Variants in ATP2C2 observed in about 807,000 individuals in gnomAD.
The protein encoded by ATP2C2 is calcium-transporting ATPase type 2C member 2.
Under a neutral mutation model 110.8 loss-of-function variants are expected in ATP2C2, and 171 were observed. That is an observed-to-expected ratio of 1.54 (90% CI 1.36 to 1.75). ATP2C2 has a LOEUF of 1.75. ATP2C2 is among the 40% of genes most tolerant of loss of function. The pLI is 0.00. For missense variants in ATP2C2, 1,963 were observed against 1,235.0 expected (o/e 1.59, Z -8.84); for synonymous variants, 804 against 508.4 (o/e 1.58, Z -7.82).
chr16:84,447,262 G>A (rs1909837079), intron 16 of ATP2C2, among the ~76,000 whole-genome samples: 1 of 152,070 alleles, frequency 6.6e-6, no homozygotes, highest in Admixed American at 6.5e-5. Context: ...GTGCATGGAT[G>A]GACACATGTA....
rs138082665 is a variant in ATP2C2, at chr16:84,425,231, C to T, written c.920-504C>T. On this transcript the variant is annotated intron_variant, in intron 10 of 26. Transcript: ENST00000262429. Reference sequence around the variant, plus strand: ...CCTTCCCAGTCCCTACTCACACCTCCGTGTCTCGTACACCTAGTGCAGTAA... The same window carrying T: ...CCTTCCCAGTCCCTACTCACACCTCTGTGTCTCGTACACCTAGTGCAGTAA... 1.4e-4 allele frequency among the ~76,000 whole-genome samples: 22 copies of T among 152,248 alleles called. No individual in the cohort carries two copies. In the East Asian group the frequency reaches 4.2e-3, roughly 29 times the overall value.
Position 84,455,142 on chromosome 16 carries a change from C to T in ATP2C2, c.2147+158C>T, listed in dbSNP as rs2288575. On this transcript the variant is annotated intron_variant, in intron 21 of 26. Transcript: ENST00000262429. Reference sequence around the variant, plus strand: ...CGTCAGTGTGGCAGGTGCCCCCAACCCCAAGTACCAACAGCCTCTCATAGC... The same window carrying T: ...CGTCAGTGTGGCAGGTGCCCCCAACTCCAAGTACCAACAGCCTCTCATAGC... Among the ~76,000 whole-genome samples, 38 of 152,078 alleles carry T rather than the reference C, an allele frequency of 2.5e-4. No individual in the cohort carries two copies. In the East Asian group the frequency reaches 7.4e-3, roughly 30 times the overall value.
chr16:84,374,001 A>G (rs186395938), intron 1 of ATP2C2, among the ~76,000 whole-genome samples: 12 of 152,356 alleles, frequency 7.9e-5, no homozygotes, highest in Non-Finnish European at 1.5e-4. Flanking sequence ...TACGAATGCC[A>G]ATTTTAAGGC....
intron 11 of ATP2C2, among the ~76,000 whole-genome samples, chr16:84,435,950 G>A (rs1908699468): frequency 6.6e-6 from 1 of 152,214 alleles, no homozygotes; most frequent in South Asian, 2.1e-4. Flanking sequence ...CCAACATGGT[G>A]AAACCTCATC....
chr16:84,455,125 T>G, intron 21 of ATP2C2, 141 bp downstream of exon 21: 1 of 1,129,870 alleles, frequency 8.9e-7, no homozygotes, highest in Non-Finnish European at 1.2e-6. Context: ...CTCGTCAGTG[T>G]GGCAGGTGCC....
At chr16:84,369,490 A>G (rs1370747476) in intron 1 of ATP2C2, among the ~76,000 whole-genome samples, 4 of 150,978 alleles carry the variant, frequency 2.6e-5, no homozygotes, top group Non-Finnish European at 5.9e-5. Flanking sequence ...TCTGCACGCC[A>G]GAGGGTCGTT....
In ATP2C2 at chr16:84,463,873, G is replaced by A. The variant is rs1189307934; in HGVS notation, c.*141G>A. 5 of 762,520 alleles carry A rather than the reference G, an allele frequency of 6.6e-6. No homozygotes were observed. The highest frequency in any genetic ancestry group is 5.0e-5 in the East Asian group (2 of 39,988). The allele number at this position is 762,520 out of a possible 1,614,324, so 47.2% of individuals were successfully genotyped here. A position where few individuals can be genotyped will look rare whatever the true frequency, so the allele number is the denominator to read the frequency against. ...ATCAGTTTTTCCTCTTAGGAAAGCT[G>A]CAGGAACCTCGTGGGCTCCAGGGAC... On this transcript the variant is annotated 3_prime_UTR_variant, in exon 27 of 27. Transcript: ENST00000262429.
chr16:84,461,647 G>A (rs2086656006), intron 24 of ATP2C2, 67 bp from the exon 25 acceptor site: 11 of 1,410,584 alleles, frequency 7.8e-6, no homozygotes, highest in Admixed American at 5.0e-5. Flanking sequence ...GCAGGCCTGT[G>A]CCCTTTGGTT....
At chr16:84,420,070 C>T (rs1461151930) in intron 7 of ATP2C2, among the ~76,000 whole-genome samples, 1 of 152,166 alleles carries the variant, frequency 6.6e-6, no homozygotes. Flanking sequence ...AAAACCCTCC[C>T]CCAGCACATG....
Position 84,439,441 on chromosome 16 carries a change from C to G in ATP2C2, c.1126C>G (p.Leu376Val), listed in dbSNP as rs1597838066. The G allele has an allele frequency of 6.2e-7, 1 of 1,614,140 alleles. No individual in the cohort carries two copies. The highest frequency in any genetic ancestry group is 8.5e-7 in the Non-Finnish European group (1 of 1,180,026). ...TGTTGTACCAGGTTGCTGCAGCGTT[C>G]TCTGTTCTGACAAGACGGGGACTCT... ...IVETLGCCSV[L>V]CSDKTGTLTA... Residue 376 changes from leucine (L) to valine (V), a missense_variant, in exon 13 of 27, where the codon CTC becomes GTC. By Grantham distance (32) the Leu-to-Val change is conservative. Transcript: ENST00000262429.
Position 84,422,836 on chromosome 16 carries a change from T to A in ATP2C2, c.843+139T>A, listed in dbSNP as rs1907474194. The stretch of plus-strand genomic sequence containing the variant: ...GAGTATACTTTTTAAACATTTAATT[T>A]TTTTTTTTAATAGAGACAGGGTTTC... On this transcript the variant is annotated intron_variant, in intron 9 of 26. Coordinates refer to ENST00000262429, the MANE Select transcript of ATP2C2 (RefSeq NM_014861.4). 4.9e-5 allele frequency: 49 copies of A among 1,001,320 alleles called. 2 individuals are homozygous for A. In the South Asian group the frequency reaches 9.5e-4, roughly 19 times the overall value. 62.0% of individuals were successfully genotyped at this position (1,001,320 alleles called of 1,614,324 possible).
intron 16 of ATP2C2, among the ~76,000 whole-genome samples, chr16:84,446,689 T>C (rs1434953301): frequency 6.6e-6 from 1 of 152,190 alleles, no homozygotes; most frequent in Non-Finnish European, 1.5e-5. Flanking sequence ...TTATTAGAAA[T>C]GCAGAATCTC....
intron 11 of ATP2C2, among the ~76,000 whole-genome samples, chr16:84,438,387 C>T (rs768601580): frequency 6.6e-6 from 1 of 152,182 alleles, no homozygotes; most frequent in Non-Finnish European, 1.5e-5. Flanking sequence ...CAGTCAGCCC[C>T]GATGTTGTGG....
intron 1 of ATP2C2, among the ~76,000 whole-genome samples, chr16:84,394,478 G>A (rs1173906607): frequency 1.3e-5 from 2 of 152,104 alleles, no homozygotes; most frequent in Non-Finnish European, 2.9e-5. Flanking sequence ...CTTCCGCTTA[G>A]TGTGATGTCT....
At chr16:84,442,409 T>G in intron 14 of ATP2C2, 101 bp from the exon 15 acceptor site, 3 of 1,086,380 alleles carry the variant, frequency 2.8e-6, no homozygotes, top group African/African-American at 1.5e-5. Context: ...GAGCAAGTCT[T>G]GTCCCCACAA....
intron 21 of ATP2C2, among the ~76,000 whole-genome samples, chr16:84,458,590 A>C (rs1910921322): frequency 6.6e-6 from 1 of 152,172 alleles, no homozygotes; most frequent in African/African-American, 2.4e-5. Flanking sequence ...GGGGGCACCC[A>C]CGGTGCGTAA....
At chr16:84,371,724 C>T (rs1034450121) in intron 1 of ATP2C2, among the ~76,000 whole-genome samples, 1 of 152,196 alleles carries the variant, frequency 6.6e-6, no homozygotes, top group Non-Finnish European at 1.5e-5. Context: ...CACTGCCTTC[C>T]TGGCTGGTGA....
intron 7 of ATP2C2, among the ~76,000 whole-genome samples, chr16:84,416,739 A>G (rs1349795448): frequency 6.6e-6 from 1 of 152,108 alleles, no homozygotes; most frequent in Admixed American, 6.5e-5. Context: ...GTAGCACCAG[A>G]TACAGATCCT....
At chr16:84,371,826 A>AG (rs1174672941) in intron 1 of ATP2C2, among the ~76,000 whole-genome samples, 1 of 152,152 alleles carries the variant, frequency 6.6e-6, no homozygotes, top group Non-Finnish European at 1.5e-5. Context: ...AGATTCACGG[A>AG]GGGGGCTCCC....
Sources: gnomAD v4.1 joint callset for allele counts (sites outside exome capture counted in the v4.1 genomes callset) on GRCh38, gnomAD v4.1.1 for gene constraint, MANE v1.5 for transcripts, NCBI Gene and HGNC (gene_info 2026-07-23, HGNC 2026-07-21) for gene names.